Variants in LYST observed in about 807,000 individuals in gnomAD.
LYST encodes lysosomal-trafficking regulator.
A neutral mutation model predicts 413.6 loss-of-function variants in LYST; 192 were observed. The ratio of observed to expected loss-of-function variants is 0.46; its 90% confidence interval spans 0.41 to 0.52. LYST has a LOEUF of 0.52. Ranked by LOEUF, LYST falls within the 20% of genes least tolerant of loss-of-function variation. The pLI, the probability that LYST is intolerant of heterozygous loss-of-function variation, is 0.00. For missense variants in LYST, 3,815 were observed against 4,499.9 expected, an observed-to-expected ratio of 0.85 and a Z score of 4.35; for synonymous variants, 1,525 against 1,567.3, an observed-to-expected ratio of 0.97 and a Z score of 0.64.
At chr1:235,831,089 C>T (rs183219654) in intron 2 of LYST, among the ~76,000 whole-genome samples, 3 of 152,282 alleles carry the variant, frequency 2.0e-5, no homozygotes, top group African/African-American at 4.8e-5. Flanking sequence ...ACAACGAAAT[C>T]CCCAAGGAGT....
At chr1:235,691,119 T>C (rs145284556) in intron 47 of LYST, among the ~76,000 whole-genome samples, 1,885 of 151,128 alleles carry the variant, frequency 0.012, 32 homozygotes, top group East Asian at 0.035. Flanking sequence ...GGGGTTTCAC[T>C]GTGTTAGCCA....
At chr1:235,783,771 C>T (rs1670116482) in intron 14 of LYST, among the ~76,000 whole-genome samples, 1 of 151,980 alleles carries the variant, frequency 6.6e-6, no homozygotes, top group African/African-American at 2.4e-5. Context: ...TATATTTCTG[C>T]CATATTTGTA....
At chr1:235,754,135 C>G (rs1053503519) in intron 25 of LYST, among the ~76,000 whole-genome samples, 1 of 151,896 alleles carries the variant, frequency 6.6e-6, no homozygotes, top group Non-Finnish European at 1.5e-5. Flanking sequence ...CCCAGATGAC[C>G]TGAAGGCTCT....
intron 31 of LYST, chr1:235,739,059 G>A: frequency 1.6e-6 from 1 of 612,842 alleles, no homozygotes; most frequent in Non-Finnish European, 3.1e-6. Flanking sequence ...TGTGCATATT[G>A]TCCTTTTTAT....
intron 41 of LYST, among the ~76,000 whole-genome samples, chr1:235,715,599 A>T (rs1376904157): frequency 6.6e-6 from 1 of 151,920 alleles, no homozygotes; most frequent in East Asian, 1.9e-4. Context: ...TCACTCTTTC[A>T]TTCCCTCATA....
At chr1:235,847,935 T>C (rs980343225) in intron 1 of LYST, among the ~76,000 whole-genome samples, 2 of 152,018 alleles carry the variant, frequency 1.3e-5, no homozygotes, top group Non-Finnish European at 2.9e-5. Context: ...AACACAATAA[T>C]AGTGGGGGAC....
At chr1:235,681,354 G>A (rs1175961151) in intron 48 of LYST, among the ~76,000 whole-genome samples, 1 of 152,190 alleles carries the variant, frequency 6.6e-6, no homozygotes, top group African/African-American at 2.4e-5. Context: ...TGAGGTAGAG[G>A]GGGCAGTGAG....
chr1:235,830,490 T>C (rs1412509335), intron 2 of LYST, 66 bp from the exon 3 acceptor site: 3 of 1,260,476 alleles, frequency 2.4e-6, no homozygotes, highest in African/African-American at 1.5e-5. Context: ...TTTAAAACTA[T>C]GTGTTTTTGT....
intron 48 of LYST, among the ~76,000 whole-genome samples, chr1:235,681,081 G>A (rs931704571): frequency 2.6e-5 from 4 of 152,182 alleles, no homozygotes; most frequent in African/African-American, 9.7e-5. Flanking sequence ...TACCAAAGAT[G>A]ATTTTCACAA....
At chr1:235,670,827 A>G (rs1408567130) in intron 50 of LYST, among the ~76,000 whole-genome samples, 1 of 152,174 alleles carries the variant, frequency 6.6e-6, no homozygotes, top group African/African-American at 2.4e-5. Flanking sequence ...GGGTGCAAGA[A>G]ATCTCTAGTA....
At chr1:235,720,100 G>A (rs1663220098) in intron 40 of LYST, among the ~76,000 whole-genome samples, 1 of 149,766 alleles carries the variant, frequency 6.7e-6, no homozygotes, top group Non-Finnish European at 1.5e-5. Context: ...GCTTGAACCC[G>A]GGAGGCAGAG....
chr1:235,673,692 A>G (rs1298922881), intron 50 of LYST, among the ~76,000 whole-genome samples: 1 of 152,170 alleles, frequency 6.6e-6, no homozygotes, highest in Non-Finnish European at 1.5e-5. Context: ...AAAGGACTCT[A>G]CAGGCTTCTT....
At chr1:235,858,445 G>A (rs1451959267) in intron 1 of LYST, among the ~76,000 whole-genome samples, 1 of 152,078 alleles carries the variant, frequency 6.6e-6, no homozygotes, top group African/African-American at 2.4e-5. Flanking sequence ...ACCCATCATT[G>A]GTCATTCTTT....
intron 42 of LYST, chr1:235,712,541 A>G: frequency 1.1e-6 from 1 of 931,562 alleles, no homozygotes; most frequent in Non-Finnish European, 1.3e-6. Context: ...TGGGTATTCA[A>G]TCATGGTTTA....
chr1:235,744,715 C>T (rs1300325778), intron 29 of LYST, among the ~76,000 whole-genome samples: 1 of 151,882 alleles, frequency 6.6e-6, no homozygotes, highest in East Asian at 1.9e-4. Flanking sequence ...GCCTGGGCAA[C>T]ATGGTGGAAC....
chr1:235,881,864 G>A (rs998346364), intron 1 of LYST, among the ~76,000 whole-genome samples: 1 of 152,110 alleles, frequency 6.6e-6, no homozygotes, highest in African/African-American at 2.4e-5. Flanking sequence ...CTGGGGGATA[G>A]AAGGAAATGA....
In LYST at chr1:235,694,835, C is replaced by CT. The variant is rs1007108815; in HGVS notation, c.10565-1350dup. ...ATTCCAGTACCACAAGAGGCATCAT[C>CT]TTTTTTTTTTTCTTTCAGAAAAAGA... is the stretch of plus-strand genomic sequence containing the variant. On this transcript the variant is annotated intron_variant, in intron 46 of 52. Coordinates refer to ENST00000389793, the MANE Select transcript of LYST (RefSeq NM_000081.4). Among the ~76,000 whole-genome samples the CT allele has an allele frequency of 1.5e-3, 223 of 147,454 alleles. 1 individual carries two copies. The East Asian group carries it at 0.022, about 14-fold the overall frequency.
intron 1 of LYST, among the ~76,000 whole-genome samples, chr1:235,848,465 A>G (rs1678146833): frequency 6.6e-6 from 1 of 152,156 alleles, no homozygotes; most frequent in Admixed American, 6.5e-5. Flanking sequence ...ACCTCAAGGA[A>G]CTAGAGAAAC....
intron 48 of LYST, among the ~76,000 whole-genome samples, chr1:235,683,455 T>G (rs1421736200): frequency 1.3e-5 from 2 of 152,238 alleles, no homozygotes; most frequent in African/African-American, 4.8e-5. Flanking sequence ...TTAGAAGATA[T>G]TCTCCTCTAA....
Sources: gnomAD v4.1 joint callset for allele counts (sites outside exome capture counted in the v4.1 genomes callset) on GRCh38, gnomAD v4.1.1 for gene constraint, MANE v1.5 for transcripts, NCBI Gene and HGNC (gene_info 2026-07-23, HGNC 2026-07-21) for gene names.